The following XPO4 variants were observed in gnomAD, a reference collection of about 807,000 sequenced individuals.
XPO4 encodes the protein exportin-4.
A neutral mutation model predicts 143.0 loss-of-function variants in XPO4; 39 were observed. That is an observed-to-expected ratio of 0.27 (90% CI 0.21 to 0.36). The LOEUF is 0.36. Ranked by LOEUF, XPO4 falls within the 10% of genes least tolerant of loss-of-function variation. The pLI is 1.00. For synonymous variants in XPO4, 439 were observed against 474.0 expected (o/e 0.93, Z 0.96); for missense variants, 907 against 1,348.0 (o/e 0.67, Z 5.12).
rs1471204374 is a variant in XPO4, at chr13:20,855,747, C to G, written c.336G>C (p.Arg112=). The change falls in exon 4 of 23, where the codon CGG becomes CGC. Residue 112 remains arginine (R), a synonymous_variant. Transcript: ENST00000255305. ...CTGCTACTGCTAGTAGAATCTGTTC[C>G]CGAACATACTTTTGAAGGCTGTAAA... ...LQRPNLQKYV[R]EQILLAVAVI... 1.9e-6 allele frequency: 3 copies of G among 1,595,938 alleles called. No individual in the cohort carries two copies. The highest frequency in any genetic ancestry group is 1.7e-6 in the Non-Finnish European group (2 of 1,175,078).
At chr13:20,879,027 T>G in intron 1 of XPO4, 1 of 873,448 alleles carries the variant, frequency 1.1e-6, no homozygotes, top group Non-Finnish European at 1.4e-6. Flanking sequence ...TTACAAGAAA[T>G]TAAGGAATCA....
chr13:20,820,455 A>C (rs970056252), intron 9 of XPO4, among the ~76,000 whole-genome samples: 1 of 152,256 alleles, frequency 6.6e-6, no homozygotes, highest in Non-Finnish European at 1.5e-5. Flanking sequence ...CCTGGTTTAG[A>C]AGAGAAAATA....
At chr13:20,900,276 C>T (rs1344814212) in intron 1 of XPO4, among the ~76,000 whole-genome samples, 2 of 151,862 alleles carry the variant, frequency 1.3e-5, no homozygotes, top group Non-Finnish European at 2.9e-5. Context: ...CCCAGCTACT[C>T]GGGAGGCTGA....
rs117154359 is a variant in XPO4 at position 20,845,907 on chromosome 13, C to G, written c.457-2021G>C. Among the ~76,000 whole-genome samples, 1,097 of 152,246 alleles carry G rather than the reference C, an allele frequency of 7.2e-3. 4 individuals carry two copies. Among genetic ancestry groups the G allele is most frequent in the Non-Finnish European group, 0.011 (775 of 68,012 alleles). ...AAAACAATTTTTCATTGACACTTAG[C>G]TTTTCACTTATCCTTTCTAAGACTC... On this transcript the variant is annotated intron_variant, in intron 4 of 22. Coordinates refer to ENST00000255305, the MANE Select transcript of XPO4 (RefSeq NM_022459.5).
At chr13:20,872,790 C>T (rs556876235) in intron 1 of XPO4, among the ~76,000 whole-genome samples, 15 of 145,504 alleles carry the variant, frequency 1.0e-4, no homozygotes, top group Middle Eastern at 3.6e-3. Context: ...ACAGAAACTA[C>T]ACTTACATAG....
intron 1 of XPO4, among the ~76,000 whole-genome samples, chr13:20,872,714 A>G (rs1230079035): frequency 6.6e-6 from 1 of 152,172 alleles, no homozygotes; most frequent in Non-Finnish European, 1.5e-5. Context: ...CCAACGTCAC[A>G]CTATCAGTAA....
At chr13:20,837,788 T>C (rs148272686) in intron 6 of XPO4, among the ~76,000 whole-genome samples, 117 of 152,278 alleles carry the variant, frequency 7.7e-4, no homozygotes, top group African/African-American at 2.1e-3. Context: ...GATGCAAAAG[T>C]GGAAACCCCT....
intron 16 of XPO4, 132 bp downstream of exon 16, chr13:20,799,033 A>AAAAAG: frequency 1.0e-6 from 1 of 992,516 alleles, no homozygotes; most frequent in East Asian, 2.5e-5. Context: ...AAAAAAAAAA[A>AAAAAG]AAAGAAAGAA....
At chr13:20,865,095 C>T (rs2060233637) in intron 2 of XPO4, among the ~76,000 whole-genome samples, 1 of 151,702 alleles carries the variant, frequency 6.6e-6, no homozygotes, top group East Asian at 1.9e-4. Context: ...ACAAAGATGC[C>T]TGAAACTACA....
At chr13:20,868,476 A>G in intron 2 of XPO4, 120 bp downstream of exon 2, 1 of 1,353,804 alleles carries the variant, frequency 7.4e-7, no homozygotes, top group Non-Finnish European at 9.6e-7. Context: ...TATTAATTTA[A>G]ATAATTGTAA....
chr13:20,865,689 A>T, intron 2 of XPO4: 1 of 720,062 alleles, frequency 1.4e-6, no homozygotes, highest in Non-Finnish European at 1.7e-6. Context: ...AAGTTTTTTT[A>T]AAAAAGAAAA....
At chr13:20,798,213 C>T (rs1157206178) in intron 16 of XPO4, among the ~76,000 whole-genome samples, 1 of 151,920 alleles carries the variant, frequency 6.6e-6, no homozygotes. Flanking sequence ...TAGGGTGGGC[C>T]CCTAGTTCAA....
rs767333898 is a variant in XPO4, at chr13:20,849,983, G to C, written c.456+5644C>G. ...TAGCCGGGCATAGTGGCATGCGCCT[G>C]TAGTCCCAGCTACTCGGGTGGCTGA... is the stretch of plus-strand genomic sequence containing the variant. On this transcript the variant is annotated intron_variant, in intron 4 of 22. Transcript: ENST00000255305. The C allele has an allele frequency of 1.6e-5, 9 of 548,436 alleles. No individual in the cohort carries two copies. In the South Asian group the frequency reaches 2.3e-4, roughly 14 times the overall value. The allele number at this position is 548,436 out of a possible 1,614,324, so 34.0% of individuals were successfully genotyped here. A position where few individuals can be genotyped will look rare whatever the true frequency, so the allele number is the denominator to read the frequency against.
rs773843373 is a variant in XPO4 at position 20,796,836 on chromosome 13, G to A, written c.2544C>T (p.Thr848=). The A allele has an allele frequency of 6.2e-7, 1 of 1,614,002 alleles. No homozygotes were observed. Among genetic ancestry groups the A allele is most frequent in the Non-Finnish European group, 8.5e-7 (1 of 1,179,964 alleles). ...CIGLMEVYKN[T]PETVNLIIEV... is the part of the protein sequence containing the mutation. Reference sequence around the variant, plus strand: ...CTATAATGAGATTGACAGTCTCTGGGGTATTCTTGTAAACTTCCATCAATC... The same window carrying A: ...CTATAATGAGATTGACAGTCTCTGGAGTATTCTTGTAAACTTCCATCAATC... Residue 848 remains threonine, a synonymous_variant, in exon 17 of 23, where the codon ACC becomes ACT. Transcript: ENST00000255305.
At chr13:20,794,545 T>C (rs2059330840) in intron 18 of XPO4, among the ~76,000 whole-genome samples, 1 of 152,062 alleles carries the variant, frequency 6.6e-6, no homozygotes, top group Admixed American at 6.6e-5. Context: ...TTTCCAGGAG[T>C]CCATGAACCA....
intron 11 of XPO4, among the ~76,000 whole-genome samples, 192 bp downstream of exon 11, chr13:20,808,890 AT>A: frequency 6.6e-6 from 1 of 152,332 alleles, no homozygotes; most frequent in East Asian, 1.9e-4. Context: ...TCTCTCTGCC[AT>A]CTATGCTGTA....
In XPO4 at chr13:20,803,715, C is replaced by A. The variant is rs575827802; in HGVS notation, c.1818-2725G>T. ...CCCTGCCTCTCCACCCTCATCCCCC[C>A]ACCAAAGCTATCGCCCTGCCCTCCT... On this transcript the variant is annotated intron_variant, in intron 13 of 22. Coordinates refer to ENST00000255305, the MANE Select transcript of XPO4 (RefSeq NM_022459.5). This position sits in a 1 kb window ranked among gnomAD's most constrained non-coding sequence, Gnocchi z 4.1. Among the ~76,000 whole-genome samples, 16 of 152,292 alleles carry A rather than the reference C, an allele frequency of 1.1e-4. No individual in the cohort carries two copies. In the South Asian group the frequency reaches 2.5e-3, roughly 24 times the overall value.
At chr13:20,796,639 A>C (rs557724384) in intron 17 of XPO4, 125 bp downstream of exon 17, 4 of 840,354 alleles carry the variant, frequency 4.8e-6, no homozygotes, top group South Asian at 4.8e-5. Context: ...CTTTTTTAAA[A>C]ATCTTTTGAA....
rs746229132 is a variant in XPO4, at chr13:20,842,880, T to G, written c.727+15A>C. ...AAATTACCACAGATAAACTATTCAT[T>G]TGTTAAAAGGATATAATTTGGAGGA... On this transcript the variant is annotated intron_variant, in intron 6 of 22. Transcript: ENST00000255305. 6 of 1,588,520 alleles carry G rather than the reference T, an allele frequency of 3.8e-6. No homozygotes were observed. The highest frequency in any genetic ancestry group is 4.3e-6 in the Non-Finnish European group (5 of 1,163,046).
Sources: allele counts gnomAD v4.1 joint callset (sites outside exome capture counted in the v4.1 genomes callset), GRCh38; gene constraint gnomAD v4.1.1; non-coding constraint Gnocchi (gnomAD v3.1); transcripts MANE v1.5; gene names NCBI Gene and HGNC (gene_info 2026-07-23, HGNC 2026-07-21).